Variants in LINC00632 observed in about 807,000 individuals in gnomAD.
The protein encoded by LINC00632 is ALDOA related specific transcript.
chrX:140,753,927 C>G (rs1322636006), intron 3 of LINC00632, among the ~76,000 whole-genome samples: 2 of 109,771 alleles, frequency 1.8e-5, no homozygotes, highest in African/African-American at 6.6e-5. Context: ...AGGCGCACGC[C>G]ACCACGCCCG....
intron 3 of LINC00632, among the ~76,000 whole-genome samples, chrX:140,768,266 T>A (rs1384922737): frequency 9.0e-6 from 1 of 110,535 alleles, no homozygotes; most frequent in East Asian, 2.8e-4. Flanking sequence ...ACATACTGAG[T>A]GCTCACATCA....
chrX:140,746,537 G>T (rs1309182654), intron 3 of LINC00632, among the ~76,000 whole-genome samples: 1 of 112,317 alleles, frequency 8.9e-6, no homozygotes, highest in Non-Finnish European at 1.9e-5. Context: ...GAGGGATCCA[G>T]TGTGAAGTTA....
At chrX:140,750,724 T>C (rs1351995719) in intron 3 of LINC00632, among the ~76,000 whole-genome samples, 2 of 110,960 alleles carry the variant, frequency 1.8e-5, no homozygotes, top group African/African-American at 6.6e-5. Flanking sequence ...ATCCGTCACC[T>C]GAGCAGTGTA....
At chrX:140,754,705 T>TA (rs1931464683) in intron 3 of LINC00632, among the ~76,000 whole-genome samples, 1 of 108,128 alleles carries the variant, frequency 9.2e-6, no homozygotes, top group Non-Finnish European at 1.9e-5. Flanking sequence ...TTTTTTTTTC[T>TA]ACTGGGGGAT....
intron 3 of LINC00632, among the ~76,000 whole-genome samples, chrX:140,741,769 A>C (rs1259853354): frequency 8.9e-6 from 1 of 112,336 alleles, no homozygotes; most frequent in Non-Finnish European, 1.9e-5. Flanking sequence ...AGATGGCTCC[A>C]AATGCAAGAA....
At chrX:140,751,892 A>G (rs970210789) in intron 3 of LINC00632, among the ~76,000 whole-genome samples, 2 of 111,628 alleles carry the variant, frequency 1.8e-5, no homozygotes, top group African/African-American at 6.5e-5. Context: ...AAGGAAAAGG[A>G]GAGCTGGAAG....
intron 3 of LINC00632, among the ~76,000 whole-genome samples, chrX:140,745,713 A>G (rs1931317282): frequency 8.9e-6 from 1 of 112,046 alleles, no homozygotes; most frequent in Non-Finnish European, 1.9e-5. Context: ...GTGACACAGC[A>G]AGTAATAAAG....
chrX:140,725,895 A>G (rs186720628), intron 2 of LINC00632, among the ~76,000 whole-genome samples: 79 of 111,519 alleles, frequency 7.1e-4, no homozygotes, highest in South Asian at 1.5e-3. Context: ...ACGCAGAAAC[A>G]CATCCCATGA....
At chrX:140,754,848 T>TC (rs1931467970) in intron 3 of LINC00632, among the ~76,000 whole-genome samples, 1 of 110,543 alleles carries the variant, frequency 9.0e-6, no homozygotes, top group South Asian at 3.9e-4. Flanking sequence ...GCTGTTTTTT[T>TC]TTTAGCCTCA....
intron 3 of LINC00632, among the ~76,000 whole-genome samples, chrX:140,760,643 C>T (rs927778215): frequency 9.0e-6 from 1 of 111,295 alleles, no homozygotes; most frequent in Non-Finnish European, 1.9e-5. Context: ...TGGTGGCATG[C>T]GCCTGTAATC....
exon 5 of LINC00632, among the ~76,000 whole-genome samples, chrX:140,777,012 C>G (rs768861246): frequency 9.1e-6 from 1 of 109,467 alleles, no homozygotes; most frequent in Non-Finnish European, 1.9e-5. Flanking sequence ...AAGCTGGAAG[C>G]CATCATTCTC....
chrX:140,751,732 C>T (rs886095046), intron 3 of LINC00632, among the ~76,000 whole-genome samples: 1 of 111,542 alleles, frequency 9.0e-6, no homozygotes, highest in Non-Finnish European at 1.9e-5. Context: ...TTCATTTAAT[C>T]TTGTATTTGT....
chrX:140,751,585 A>G (rs1338346797), intron 3 of LINC00632, among the ~76,000 whole-genome samples: 1 of 111,800 alleles, frequency 8.9e-6, no homozygotes, highest in Non-Finnish European at 1.9e-5. Flanking sequence ...CTGCTGAGGT[A>G]GAATTTCAGA....
intron 2 of LINC00632, among the ~76,000 whole-genome samples, chrX:140,725,175 CACAG>C (rs1267987337): frequency 4.0e-5 from 3 of 75,018 alleles, no homozygotes; most frequent in African/African-American, 1.5e-4. Flanking sequence ...CATACACATA[CACAG>C]ACACACATTC....
At chrX:140,717,252 A>G (rs770001406) in intron 2 of LINC00632, among the ~76,000 whole-genome samples, 1 of 110,927 alleles carries the variant, frequency 9.0e-6, no homozygotes, top group Admixed American at 9.7e-5. Context: ...AAGTGCTGGG[A>G]TAACAGGCGT....
chrX:140,714,407 A>T (rs1254760166), intron 2 of LINC00632: 1 of 114,669 alleles, frequency 8.7e-6, no homozygotes, highest in Non-Finnish European at 1.8e-5. Flanking sequence ...CCACAGAGAC[A>T]TGCAACGGTA....
exon 5 of LINC00632, among the ~76,000 whole-genome samples, chrX:140,775,936 A>C (rs1470277224): frequency 9.0e-6 from 1 of 111,389 alleles, no homozygotes; most frequent in East Asian, 2.8e-4. Flanking sequence ...AAGGAAAAAA[A>C]AAAGTTTAAA....
chrX:140,741,620 A>G (rs766366726), intron 3 of LINC00632, among the ~76,000 whole-genome samples: 3 of 112,155 alleles, frequency 2.7e-5, no homozygotes, highest in Admixed American at 9.5e-5. Flanking sequence ...CCTGTTACCC[A>G]GAAGAGAATT....
intron 2 of LINC00632, among the ~76,000 whole-genome samples, chrX:140,730,634 C>T (rs1931042218): frequency 9.0e-6 from 1 of 111,181 alleles, no homozygotes; most frequent in Non-Finnish European, 1.9e-5. Context: ...AACGCACATG[C>T]TCAGTCCACA....
Sources: gnomAD v4.1 joint callset for allele counts (sites outside exome capture counted in the v4.1 genomes callset) on GRCh38, gnomAD v4.1.1 for gene constraint, MANE v1.5 for transcripts, NCBI Gene and HGNC (gene_info 2026-07-23, HGNC 2026-07-21) for gene names.